The following C1orf198 variants were observed in gnomAD, a reference collection of about 807,000 sequenced individuals.
C1orf198 encodes the protein uncharacterized protein C1orf198.
In C1orf198, 17 loss-of-function variants were observed where a neutral mutation model predicts 31.4. That is an observed-to-expected ratio of 0.54 (90% confidence interval 0.37 to 0.81). The LOEUF (loss-of-function observed/expected upper bound fraction) is 0.81. Among genes scored for constraint, C1orf198 ranks in the 40% least tolerant of loss-of-function variants. The pLI, the probability that C1orf198 is intolerant of heterozygous loss-of-function variation, is 0.00. For missense variants in C1orf198, 401 were observed against 450.3 expected, an observed-to-expected ratio of 0.89 and a Z score of 0.99; for synonymous variants, 175 against 193.8, an observed-to-expected ratio of 0.90 and a Z score of 0.81.
chr1:230,843,891 C>A lies in C1orf198; in HGVS notation c.390G>T (p.Gln130His). ...ATAGGGCGGAGATACTGAACTCCAT[C>A]TGACTCTAGGGTGGGACATGAGAAA... ...SAPFSWETKS[Q>H]MEFSISALSI... Residue 130 changes from glutamine (Q) to histidine (H), a missense_variant, in exon 3 of 4, where the codon CAG becomes CAT. Transcript: ENST00000366663. This position sits in a 1 kb window ranked among gnomAD's most constrained non-coding sequence, Gnocchi z 4.9. 6.6e-7 allele frequency: 1 copy of A among 1,507,832 alleles called. No individual in the cohort carries two copies. The allele number at this position is 1,507,832 out of a possible 1,614,324, so 93.4% of individuals were successfully genotyped here. A position where few individuals can be genotyped will look rare whatever the true frequency, so the allele number is the denominator to read the frequency against.
At chr1:230,847,315 A>G (rs1314810174) in intron 2 of C1orf198, among the ~76,000 whole-genome samples, 14 of 152,064 alleles carry the variant, frequency 9.2e-5, no homozygotes, top group Admixed American at 8.5e-4. Flanking sequence ...ACAGCCATCA[A>G]AGCATTGGTT....
chr1:230,844,909 A>T (rs1669546515), intron 2 of C1orf198, among the ~76,000 whole-genome samples: 1 of 152,116 alleles, frequency 6.6e-6, no homozygotes, highest in African/African-American at 2.4e-5. Flanking sequence ...TGACCAACAA[A>T]ATCATTACAT....
chr1:230,839,614 A>C lies in C1orf198; in HGVS notation c.*238T>G. The C allele has an allele frequency of 2.3e-6, 1 of 442,644 alleles. No homozygotes were observed. Among genetic ancestry groups the C allele is most frequent in the African/African-American group, 2.1e-5 (1 of 47,772 alleles). 27.4% of individuals were successfully genotyped at this position (442,644 alleles called of 1,614,324 possible). ...TTACAAGATCTCCTGAATTATTAAC[A>C]GACCTTAAAAATTCCAAATGGAAAA... On this transcript the variant is annotated 3_prime_UTR_variant, in exon 4 of 4. Transcript: ENST00000366663.
At chr1:230,844,831 A>G (rs371736687) in intron 2 of C1orf198, among the ~76,000 whole-genome samples, 1 of 152,144 alleles carries the variant, frequency 6.6e-6, no homozygotes, top group Non-Finnish European at 1.5e-5. Context: ...AGCACCCACA[A>G]AATGCTTTCC....
At position 230,868,419 on chromosome 1, in the gene C1orf198, A is replaced by T; in HGVS notation, c.94T>A (p.Tyr32Asn). 6.3e-7 allele frequency: 1 copy of T among 1,589,982 alleles called. No homozygotes were observed. Among genetic ancestry groups the T allele is most frequent in the Non-Finnish European group, 8.6e-7 (1 of 1,168,588 alleles). The change falls in exon 1 of 4, where the codon TAC becomes AAC. Residue 32 changes from tyrosine to asparagine, a missense_variant. Physicochemically the swap from Tyr to Asn is moderately radical, Grantham distance 143. Transcript: ENST00000366663. Reference protein sequence around the residue: ...LDDRERKRFTYFSSLSPMARK... With the variant: ...LDDRERKRFTNFSSLSPMARK... ...GCCATGGGGCTCAGCGACGAGAAGT[A>T]AGTGAAGCGCTTTCGCTCCCGGTCG...
At chr1:230,868,559 G>T, upstream of C1orf198, 1 of 1,154,536 alleles carries the variant, frequency 8.7e-7, no homozygotes, top group Non-Finnish European at 1.1e-6. Context: ...CCCTCGCTGT[G>T]CCCGCCCTCG....
chr1:230,841,892 T>G (rs1669452801), intron 3 of C1orf198, among the ~76,000 whole-genome samples: 1 of 152,220 alleles, frequency 6.6e-6, no homozygotes, highest in Non-Finnish European at 1.5e-5. Context: ...GCAACCCAAG[T>G]GTCTGTCGAT....
chr1:230,859,359 C>T (rs1271386477), intron 1 of C1orf198, among the ~76,000 whole-genome samples: 1 of 152,090 alleles, frequency 6.6e-6, no homozygotes, highest in African/African-American at 2.4e-5. Flanking sequence ...CTTTCCCACC[C>T]CCCTCTCTGG....
chr1:230,861,340 G>A (rs923926800), intron 1 of C1orf198, among the ~76,000 whole-genome samples: 3 of 152,070 alleles, frequency 2.0e-5, no homozygotes, highest in South Asian at 2.1e-4. Flanking sequence ...TGTACTTTCC[G>A]CTCAATTTTG....
rs1419015564 is a variant in C1orf198, at chr1:230,845,543, G to T, written c.385-1647C>A. Among the ~76,000 whole-genome samples the T allele has an allele frequency of 6.6e-5, 10 of 152,176 alleles. No individual in the cohort carries two copies. In the East Asian group the frequency reaches 1.9e-3, roughly 29 times the overall value. On this transcript the variant is annotated intron_variant, in intron 2 of 3. Coordinates refer to ENST00000366663, the MANE Select transcript of C1orf198 (RefSeq NM_032800.3). Reference sequence around the variant, plus strand: ...AATAAAAATACAAAATTAGCCAGGCGTGGTGGCAGGAGCCTGTAATCCCAT... The same window carrying T: ...AATAAAAATACAAAATTAGCCAGGCTTGGTGGCAGGAGCCTGTAATCCCAT...
intron 2 of C1orf198, among the ~76,000 whole-genome samples, chr1:230,846,870 G>A (rs552181529): frequency 1.6e-4 from 25 of 152,226 alleles, no homozygotes; most frequent in African/African-American, 5.5e-4. Flanking sequence ...TTGGGAGGCC[G>A]AGGCGGGCGG....
intron 1 of C1orf198, among the ~76,000 whole-genome samples, chr1:230,861,189 G>A (rs548713833): frequency 2.6e-5 from 4 of 152,084 alleles, no homozygotes; most frequent in East Asian, 1.9e-4. Context: ...CAGAGACTTC[G>A]GTTGACAATG....
intron 1 of C1orf198, 123 bp downstream of exon 1, chr1:230,868,057 T>C (rs1461355108): frequency 2.8e-6 from 3 of 1,054,720 alleles, no homozygotes; most frequent in Non-Finnish European, 1.2e-6. Flanking sequence ...CCACTGCCAT[T>C]CCTGCCTTTT....
chr1:230,846,325 T>A (rs1290506705), intron 2 of C1orf198, among the ~76,000 whole-genome samples: 1 of 152,268 alleles, frequency 6.6e-6, no homozygotes, highest in African/African-American at 2.4e-5. Flanking sequence ...TAACTTAAGA[T>A]ACAAAACATG....
chr1:230,856,025 T>C lies in C1orf198; in HGVS notation c.334-307A>G, dbSNP rs932224330. On this transcript the variant is annotated intron_variant, in intron 1 of 3. Coordinates refer to ENST00000366663, the MANE Select transcript of C1orf198 (RefSeq NM_032800.3). ...GTAGGAGTGGATGAGGGCTTGATGG[T>C]CTCAGCAGAATCAGGCACAGACTCA... The C allele has an allele frequency of 1.6e-5, 18 of 1,131,984 alleles. 1 individual carries two copies. The highest frequency in any genetic ancestry group is 1.3e-5 in the Non-Finnish European group (12 of 917,594). 70.1% of individuals were successfully genotyped at this position (1,131,984 alleles called of 1,614,324 possible).
In C1orf198 at chr1:230,853,259, T is replaced by C. The variant is rs564463988; in HGVS notation, c.384+2409A>G. 2.6e-5 allele frequency among the ~76,000 whole-genome samples: 4 copies of C among 152,132 alleles called. No individual in the cohort carries two copies. The South Asian group carries it at 6.2e-4, about 24-fold the overall frequency. On this transcript the variant is annotated intron_variant, in intron 2 of 3. Transcript: ENST00000366663. Reference sequence around the variant, plus strand: ...ATGCATCTATAGAGAACTGATAGAGTGAGGAAGGCATCAGTTGAGAGGTAA... The same window carrying C: ...ATGCATCTATAGAGAACTGATAGAGCGAGGAAGGCATCAGTTGAGAGGTAA...
rs754741512 is a variant in C1orf198, at chr1:230,839,917, G to A, written c.928-9C>T. 1 of 1,600,534 alleles carries A rather than the reference G, an allele frequency of 6.2e-7. No homozygotes were observed. Among genetic ancestry groups the A allele is most frequent in the East Asian group, 2.2e-5 (1 of 44,446 alleles). ...ACATTACTTGAGCTGACCTGTAGAAGGGACAAAAACATGGAAGTAAGACGA... is the reference window on the plus strand; with the variant it reads ...ACATTACTTGAGCTGACCTGTAGAAAGGACAAAAACATGGAAGTAAGACGA... On this transcript the variant is annotated splice_polypyrimidine_tract_variant and intron_variant, in intron 3 of 3. Coordinates refer to ENST00000366663, the MANE Select transcript of C1orf198 (RefSeq NM_032800.3).
intron 2 of C1orf198, among the ~76,000 whole-genome samples, chr1:230,853,236 G>A (rs1039842884): frequency 3.3e-5 from 5 of 152,148 alleles, no homozygotes; most frequent in African/African-American, 1.2e-4. Context: ...AGTTTGTTAT[G>A]CATCTATAGA....
At chr1:230,855,134 A>T (rs1436134192) in intron 2 of C1orf198, among the ~76,000 whole-genome samples, 1 of 152,238 alleles carries the variant, frequency 6.6e-6, no homozygotes, top group African/African-American at 2.4e-5. Context: ...AAAATCAGTG[A>T]AGCTTGATGC....
Sources: allele counts gnomAD v4.1 joint callset (sites outside exome capture counted in the v4.1 genomes callset), GRCh38; gene constraint gnomAD v4.1.1; non-coding constraint Gnocchi (gnomAD v3.1); transcripts MANE v1.5; gene names NCBI Gene and HGNC (gene_info 2026-07-23, HGNC 2026-07-21).